The following RNFT2 variants were observed in gnomAD, a reference collection of about 807,000 sequenced individuals.
The protein encoded by RNFT2 is ring finger protein, transmembrane 2.
Under a neutral mutation model 53.0 loss-of-function variants are expected in RNFT2, and 36 were observed. The observed-to-expected ratio is 0.68, with a 90% CI of 0.52 to 0.90. RNFT2 has a LOEUF of 0.90. Among genes scored for constraint, RNFT2 ranks in the 40% least tolerant of loss-of-function variants. The pLI, the probability that RNFT2 is intolerant of heterozygous loss-of-function variation, is 0.00. For synonymous variants in RNFT2, 260 were observed against 253.2 expected (o/e 1.03, Z -0.26); for missense variants, 514 against 585.6 (o/e 0.88, Z 1.26).
In RNFT2 at chr12:116,750,113, GC is replaced by G; in HGVS notation, c.357del (p.Gly120AlafsTer37). On this transcript the variant is annotated frameshift_variant, in exon 4 of 11. Transcript: ENST00000257575. LOFTEE classifies it high-confidence loss of function. ...CAGCCCCACCACCATTTCCACCATGGCGGCCACCGCGGGGGCTCCCTGCTGC... is the reference window on the plus strand; with the variant it reads ...CAGCCCCACCACCATTTCCACCATGGGGCCACCGCGGGGGCTCCCTGCTGC... ...HRQPHHHFHHGGHRGGSLLQH... is the reference protein window; with the variant it reads ...HRQPHHHFHHXGHRGGSLLQH... 6.4e-7 allele frequency: 1 copy of G among 1,561,364 alleles called. No homozygotes were observed. Among genetic ancestry groups the G allele is most frequent in the Non-Finnish European group, 8.6e-7 (1 of 1,159,702 alleles).
intron 7 of RNFT2, among the ~76,000 whole-genome samples, chr12:116,789,423 G>T (rs192043169): frequency 6.8e-6 from 1 of 147,528 alleles, no homozygotes; most frequent in Non-Finnish European, 1.5e-5. Context: ...TAGGAGAGTG[G>T]TGGGTGGATG....
At chr12:116,814,024 A>G (rs1707007334) in intron 7 of RNFT2, among the ~76,000 whole-genome samples, 1 of 152,204 alleles carries the variant, frequency 6.6e-6, no homozygotes, top group South Asian at 2.1e-4. Context: ...CAATTAGTGA[A>G]AAAACAAGGT....
chr12:116,789,067 G>C (rs1320531900), intron 7 of RNFT2, among the ~76,000 whole-genome samples: 2 of 151,502 alleles, frequency 1.3e-5, no homozygotes, highest in African/African-American at 4.9e-5. Context: ...TGGATGGGTG[G>C]ATGGGTAAAT....
At chr12:116,770,750 G>A (rs1307397364) in intron 6 of RNFT2, among the ~76,000 whole-genome samples, 9 of 151,908 alleles carry the variant, frequency 5.9e-5, no homozygotes, top group African/African-American at 9.7e-5. Context: ...GTAGAGATGA[G>A]GTTTCTCCAT....
At chr12:116,763,025 T>C (rs1386999854) in intron 5 of RNFT2, among the ~76,000 whole-genome samples, 3 of 152,128 alleles carry the variant, frequency 2.0e-5, no homozygotes, top group Non-Finnish European at 4.4e-5. Flanking sequence ...GAGGCTGCAG[T>C]GAGCTATGAT....
chr12:116,817,354 C>G (rs762856543), intron 7 of RNFT2, among the ~76,000 whole-genome samples: 1 of 152,042 alleles, frequency 6.6e-6, no homozygotes, highest in African/African-American at 2.4e-5. Context: ...CTCATGATGT[C>G]TCCCAGGCTA....
chr12:116,781,735 A>G lies in RNFT2; in HGVS notation c.882+2387A>G, dbSNP rs554165086. 3.3e-5 allele frequency among the ~76,000 whole-genome samples: 5 copies of G among 152,132 alleles called. No individual in the cohort carries two copies. The East Asian group carries it at 5.8e-4, about 18-fold the overall frequency. On this transcript the variant is annotated intron_variant, in intron 7 of 10. Transcript: ENST00000257575. The stretch of plus-strand genomic sequence containing the variant: ...TCTCCCATCCTTAATCACATCAGCA[A>G]AGTCTCTTTTGCCACAGAAGGTAAC...
At chr12:116,750,371 G>A in intron 4 of RNFT2, 64 bp downstream of exon 4, 3 of 1,478,120 alleles carry the variant, frequency 2.0e-6, no homozygotes, top group East Asian at 2.4e-5. Context: ...TGCAGCCGGT[G>A]GGGTGGGGGC....
intron 7 of RNFT2, among the ~76,000 whole-genome samples, chr12:116,796,288 A>G (rs188271107): frequency 1.4e-3 from 208 of 152,242 alleles, no homozygotes; most frequent in Non-Finnish European, 2.2e-3. Flanking sequence ...GGTTACTAGG[A>G]CTGGTTGTAT....
At chr12:116,761,580 A>G (rs1249357327) in intron 5 of RNFT2, among the ~76,000 whole-genome samples, 2 of 152,246 alleles carry the variant, frequency 1.3e-5, no homozygotes, top group African/African-American at 2.4e-5. Flanking sequence ...TGCCCGGCAC[A>G]GTACTGAGCC....
chr12:116,849,548 C>T lies in RNFT2; in HGVS notation c.*100C>T, dbSNP rs1292957325. On this transcript the variant is annotated 3_prime_UTR_variant, in exon 11 of 11. Transcript: ENST00000257575. ...AGAAACAGGCCTCAAGCACTTACAT[C>T]CTGCCTCTTGCCCTCCACCACCTCT... 4 of 1,450,436 alleles carry T rather than the reference C, an allele frequency of 2.8e-6. No homozygotes were observed. The African/African-American group carries it at 5.6e-5, about 20-fold the overall frequency. The allele number at this position is 1,450,436 out of a possible 1,614,324, so 89.8% of individuals were successfully genotyped here. A position where few individuals can be genotyped will look rare whatever the true frequency, so the allele number is the denominator to read the frequency against.
At chr12:116,836,087 G>T in intron 9 of RNFT2, 62 bp downstream of exon 9, 1 of 1,605,396 alleles carries the variant, frequency 6.2e-7, no homozygotes, top group South Asian at 1.1e-5. Context: ...AAACAGCAGC[G>T]ACCCCTTCCT....
chr12:116,845,827 C>T (rs1426910116), intron 10 of RNFT2, among the ~76,000 whole-genome samples: 3 of 152,168 alleles, frequency 2.0e-5, no homozygotes, highest in Admixed American at 1.3e-4. Context: ...CCCCCAACTA[C>T]AGCCACATCA....
chr12:116,769,301 T>C (rs1416279582), intron 6 of RNFT2, among the ~76,000 whole-genome samples: 3 of 152,158 alleles, frequency 2.0e-5, no homozygotes, highest in Non-Finnish European at 4.4e-5. Context: ...GAGGTTGCAG[T>C]GAGCCGTGAT....
intron 7 of RNFT2, among the ~76,000 whole-genome samples, chr12:116,806,131 A>G (rs1011825732): frequency 6.6e-6 from 1 of 152,116 alleles, no homozygotes; most frequent in Admixed American, 6.5e-5. Flanking sequence ...CTGTAATTTC[A>G]GCACTTTGGG....
At position 116,849,633 on chromosome 12, in the gene RNFT2, T is replaced by C. The variant is rs138375516; in HGVS notation, c.*185T>C. The C allele has an allele frequency of 2.1e-5, 29 of 1,371,106 alleles. No individual in the cohort carries two copies. In the East Asian group the frequency reaches 7.0e-4, roughly 33 times the overall value. 84.9% of individuals were successfully genotyped at this position (1,371,106 alleles called of 1,614,324 possible). ...ACCTTCATCTTCCTCTCTCGTTCTG[T>C]GGTATAGTGCGTGCCTCCTTCCCCT... On this transcript the variant is annotated 3_prime_UTR_variant, in exon 11 of 11. Coordinates refer to ENST00000257575, the MANE Select transcript of RNFT2 (RefSeq NM_001382266.1).
chr12:116,743,238 A>AAAAAAAAAAAAAAAG (rs1871720360), intron 3 of RNFT2, among the ~76,000 whole-genome samples: 1 of 114,262 alleles, frequency 8.8e-6, no homozygotes, highest in Admixed American at 8.9e-5. Context: ...AAAAAAAAAA[A>AAAAAAAAAAAAAAAG]AAAAAACCGG....
At chr12:116,743,385 G>A (rs1422585810) in intron 3 of RNFT2, among the ~76,000 whole-genome samples, 1 of 151,460 alleles carries the variant, frequency 6.6e-6, no homozygotes, top group African/African-American at 2.4e-5. Context: ...TCATGCCTCT[G>A]TCTCCCGAGT....
At chr12:116,739,588 G>A (rs1275391750) in intron 1 of RNFT2, among the ~76,000 whole-genome samples, 30 of 152,228 alleles carry the variant, frequency 2.0e-4, no homozygotes, top group Admixed American at 2.0e-4. Flanking sequence ...TTTGCCCTGC[G>A]GGACCAAGCC....
Sources: gnomAD v4.1 joint callset for allele counts (sites outside exome capture counted in the v4.1 genomes callset) on GRCh38, gnomAD v4.1.1 for gene constraint, MANE v1.5 for transcripts, NCBI Gene and HGNC (gene_info 2026-07-23, HGNC 2026-07-21) for gene names.